Variants in MAN1A2 observed in about 807,000 individuals in gnomAD.
The protein encoded by MAN1A2 is mannosyl-oligosaccharide 1,2-alpha-mannosidase IB.
Under a neutral mutation model 75.7 loss-of-function variants are expected in MAN1A2, and 26 were observed. The observed-to-expected ratio is 0.34, with a 90% confidence interval of 0.25 to 0.48. MAN1A2 has a LOEUF of 0.48. Ranked by LOEUF, MAN1A2 falls within the 20% of genes least tolerant of loss-of-function variation. MAN1A2 has a pLI of 0.99. For missense variants in MAN1A2, 562 were observed against 775.5 expected, an observed-to-expected ratio of 0.72 and a Z score of 3.27; for synonymous variants, 247 against 264.6, an observed-to-expected ratio of 0.93 and a Z score of 0.65.
chr1:117,461,739 A>G lies in MAN1A2; in HGVS notation c.1074+1127A>G, dbSNP rs138303677. Among the ~76,000 whole-genome samples the G allele has an allele frequency of 2.7e-4, 41 of 152,288 alleles. No individual in the cohort carries two copies. The East Asian group carries it at 7.9e-3, about 29-fold the overall frequency. On this transcript the variant is annotated intron_variant, in intron 7 of 12. Transcript: ENST00000356554. Reference sequence around the variant, plus strand: ...ATGATATTGAAGAGGATATAAATAAATGGAGAGATATCGTATTTATATATA... The same window carrying G: ...ATGATATTGAAGAGGATATAAATAAGTGGAGAGATATCGTATTTATATATA...
At chr1:117,496,497 A>G (rs1404113083) in intron 9 of MAN1A2, among the ~76,000 whole-genome samples, 4 of 152,004 alleles carry the variant, frequency 2.6e-5, no homozygotes, top group African/African-American at 7.2e-5. Flanking sequence ...GGGACTAAAG[A>G]TAATATTATG....
At chr1:117,428,622 C>T (rs1366006656) in intron 5 of MAN1A2, among the ~76,000 whole-genome samples, 1 of 151,874 alleles carries the variant, frequency 6.6e-6, no homozygotes, top group East Asian at 1.9e-4. Flanking sequence ...AAACTATTCA[C>T]AGTCTAAAAA....
intron 1 of MAN1A2, among the ~76,000 whole-genome samples, chr1:117,390,165 G>A (rs955099876): frequency 2.6e-5 from 4 of 152,020 alleles, no homozygotes; most frequent in African/African-American, 9.7e-5. Context: ...AAATGAGTTG[G>A]TTTTCCATTT....
intron 11 of MAN1A2, among the ~76,000 whole-genome samples, chr1:117,500,830 A>G (rs1246290099): frequency 6.6e-6 from 1 of 151,852 alleles, no homozygotes; most frequent in Non-Finnish European, 1.5e-5. Context: ...TGGTTTGGGA[A>G]TAGAATACAC....
intron 5 of MAN1A2, among the ~76,000 whole-genome samples, chr1:117,440,349 G>A (rs1648988568): frequency 6.6e-6 from 1 of 152,124 alleles, no homozygotes; most frequent in South Asian, 2.1e-4. Flanking sequence ...CATTGTAAAA[G>A]GAATTGTGTG....
At chr1:117,468,142 C>T (rs1017834775) in intron 8 of MAN1A2, among the ~76,000 whole-genome samples, 1 of 152,080 alleles carries the variant, frequency 6.6e-6, no homozygotes, top group African/African-American at 2.4e-5. Flanking sequence ...GGGGAAGCCT[C>T]AGAAAACTTA....
chr1:117,466,411 A>C lies in MAN1A2; in HGVS notation c.1152A>C (p.Thr384=), dbSNP rs749191816. Residue 384 remains threonine, a synonymous_variant, in exon 8 of 13, where the codon ACA becomes ACC. Transcript: ENST00000356554. ...GLYPNYLNPR[T]GRWGQYHTSV... ...ATCCAAATTATTTGAACCCCAGAAC[A>C]GGGCGCTGGGGTCAGTGTAAGTATT... The C allele has an allele frequency of 8.7e-6, 14 of 1,606,854 alleles. No homozygotes were observed. The African/African-American group carries it at 1.9e-4, about 22-fold the overall frequency.
At chr1:117,518,433 A>G (rs1425319834) in intron 12 of MAN1A2, among the ~76,000 whole-genome samples, 1 of 152,042 alleles carries the variant, frequency 6.6e-6, no homozygotes, top group East Asian at 1.9e-4. Context: ...ATGAAATGTT[A>G]TGGATGGCCC....
chr1:117,514,933 C>T (rs377413328), intron 12 of MAN1A2: 15 of 531,148 alleles, frequency 2.8e-5, no homozygotes, highest in Admixed American at 2.3e-4. Context: ...TTTCTGCTCA[C>T]TTACTCCTGG....
rs1652022822 is a variant in MAN1A2, at chr1:117,526,454, A to G, written c.*3497A>G. 6.6e-6 allele frequency: 1 copy of G among 151,804 alleles called. No individual in the cohort carries two copies. The highest frequency in any genetic ancestry group is 1.5e-5 in the Non-Finnish European group (1 of 67,798). 9.4% of individuals were successfully genotyped at this position (151,804 alleles called of 1,614,324 possible). A position where few individuals can be genotyped will look rare whatever the true frequency, so the allele number is the denominator to read the frequency against. The stretch of plus-strand genomic sequence containing the variant: ...CAATGTGTTACTGTATAATACAACT[A>G]TAATTGTAGTTAATAACTAAAACCT... On this transcript the variant is annotated 3_prime_UTR_variant, in exon 13 of 13. Transcript: ENST00000356554.
intron 6 of MAN1A2, among the ~76,000 whole-genome samples, chr1:117,446,989 T>C (rs1234012417): frequency 6.6e-6 from 1 of 152,160 alleles, no homozygotes; most frequent in African/African-American, 2.4e-5. Context: ...TGCTTTCTGA[T>C]TACTTGAGCC....
intron 8 of MAN1A2, among the ~76,000 whole-genome samples, chr1:117,484,177 A>G (rs933943589): frequency 2.0e-5 from 3 of 151,952 alleles, no homozygotes; most frequent in Non-Finnish European, 4.4e-5. Flanking sequence ...TATATTATAT[A>G]CTGTATTCTT....
At position 117,496,871 on chromosome 1, in the gene MAN1A2, G is replaced by T; in HGVS notation, c.1393G>T (p.Gly465Trp). The T allele has an allele frequency of 6.2e-7, 1 of 1,612,782 alleles. No homozygotes were observed. The highest frequency in any genetic ancestry group is 8.5e-7 in the Non-Finnish European group (1 of 1,179,262). The change falls in exon 10 of 13, where the codon GGG becomes TGG. Residue 465 changes from glycine to tryptophan, a missense_variant. Coordinates refer to ENST00000356554, the MANE Select transcript of MAN1A2 (RefSeq NM_006699.5). ...GATGGGGCATTTGGCCTGCTTTGCT[G>T]GGGGAATGTTTGCACTAGGAGCAGA... is the stretch of plus-strand genomic sequence containing the variant. ...KKMGHLACFAGGMFALGADGS... is the reference protein window; with the variant it reads ...KKMGHLACFAWGMFALGADGS...
chr1:117,417,728 T>G (rs1474902762), intron 4 of MAN1A2, among the ~76,000 whole-genome samples: 1 of 150,796 alleles, frequency 6.6e-6, no homozygotes, highest in Non-Finnish European at 1.5e-5. Context: ...TCTCTCTCTC[T>G]CTCTCATCAA....
At chr1:117,401,636 A>G (rs1647433197) in intron 1 of MAN1A2, among the ~76,000 whole-genome samples, 1 of 152,192 alleles carries the variant, frequency 6.6e-6, no homozygotes, top group South Asian at 2.1e-4. Context: ...ATATAGACCT[A>G]CTAAATTGGA....
intron 5 of MAN1A2, among the ~76,000 whole-genome samples, chr1:117,423,550 A>G (rs1381694709): frequency 6.6e-6 from 1 of 152,078 alleles, no homozygotes; most frequent in African/African-American, 2.4e-5. Flanking sequence ...TTTAGCATAC[A>G]GATCTTGTAT....
intron 8 of MAN1A2, among the ~76,000 whole-genome samples, chr1:117,492,915 C>A (rs917115087): frequency 2.0e-5 from 3 of 151,996 alleles, no homozygotes; most frequent in Non-Finnish European, 4.4e-5. Context: ...GTATGTGAAG[C>A]ACCACATCCA....
At chr1:117,484,029 G>A (rs896147920) in intron 8 of MAN1A2, among the ~76,000 whole-genome samples, 18 of 151,844 alleles carry the variant, frequency 1.2e-4, no homozygotes, top group Non-Finnish European at 2.4e-4. Context: ...GAACAACACA[G>A]GGGGGTTAGA....
chr1:117,431,199 G>A (rs1427902283), intron 5 of MAN1A2, among the ~76,000 whole-genome samples: 1 of 29,238 alleles, frequency 3.4e-5, no homozygotes, highest in East Asian at 2.4e-3. Context: ...GGGAGAGGGA[G>A]GGGGAGGGGG....
Sources: allele counts gnomAD v4.1 joint callset (sites outside exome capture counted in the v4.1 genomes callset), GRCh38; gene constraint gnomAD v4.1.1; transcripts MANE v1.5; gene names NCBI Gene and HGNC (gene_info 2026-07-23, HGNC 2026-07-21).